PTPRT: variants seen among roughly 807,000 people sequenced by gnomAD.
PTPRT encodes the protein receptor-type tyrosine-protein phosphatase T.
In PTPRT, 56 loss-of-function variants were observed where a neutral mutation model predicts 176.8. The ratio of observed to expected loss-of-function variants is 0.32; its 90% confidence interval spans 0.26 to 0.40. The LOEUF (loss-of-function observed/expected upper bound fraction) is 0.40. Ranked by LOEUF, PTPRT falls within the 10% of genes least tolerant of loss-of-function variation. PTPRT has a pLI of 1.00. For synonymous variants in PTPRT, 783 were observed against 739.0 expected (o/e 1.06, Z -0.96); for missense variants, 1,540 against 1,908.2 (o/e 0.81, Z 3.60).
intron 9 of PTPRT, among the ~76,000 whole-genome samples, chr20:42,424,668 G>A (rs949249309): frequency 1.4e-4 from 21 of 152,034 alleles, no homozygotes; most frequent in Non-Finnish European, 2.4e-4. Flanking sequence ...CACACCAAGT[G>A]CAGTGAAATT....
In PTPRT at chr20:42,617,902, A is replaced by T. The variant is rs1162870305; in HGVS notation, c.1153+59964T>A. Reference sequence around the variant, plus strand: ...TTTCAAAAAACCAGCTCCTGGATTCATTGATTTTTTGAAGGGTTTTTTGTA... The same window carrying T: ...TTTCAAAAAACCAGCTCCTGGATTCTTTGATTTTTTGAAGGGTTTTTTGTA... On this transcript the variant is annotated intron_variant, in intron 7 of 30. Coordinates refer to ENST00000373187, the MANE Select transcript of PTPRT (RefSeq NM_007050.6). Among the ~76,000 whole-genome samples the T allele has an allele frequency of 3.0e-4, 41 of 137,998 alleles. 5 individuals are homozygous for T. Among genetic ancestry groups the T allele is most frequent in the Non-Finnish European group, 5.3e-4 (35 of 65,576 alleles). 90.5% of individuals were successfully genotyped at this position (137,998 alleles called of 152,430 possible). A position where few individuals can be genotyped will look rare whatever the true frequency, so the allele number is the denominator to read the frequency against.
At position 42,423,194 on chromosome 20, in the gene PTPRT, A is replaced by G. The variant is rs1286160219; in HGVS notation, c.1560+25026T>C. ...CCTTAAAAGTAAAAAAAAAAAAAAA[A>G]AAAAAAAGGAAGAGAAAGACTAATA... On this transcript the variant is annotated intron_variant, in intron 9 of 30. Coordinates refer to ENST00000373187, the MANE Select transcript of PTPRT (RefSeq NM_007050.6). 1.3e-5 allele frequency among the ~76,000 whole-genome samples: 2 copies of G among 151,294 alleles called. 1 individual carries two copies. Among genetic ancestry groups the G allele is most frequent in the African/African-American group, 4.9e-5 (2 of 41,232 alleles).
chr20:42,368,824 G>A (rs1327981234), intron 9 of PTPRT, among the ~76,000 whole-genome samples: 3 of 152,130 alleles, frequency 2.0e-5, no homozygotes, highest in Admixed American at 1.3e-4. Context: ...ACGCTCCCAT[G>A]GAGACCTGCT....
chr20:42,835,501 C>T (rs892188235), intron 2 of PTPRT, among the ~76,000 whole-genome samples: 1 of 152,034 alleles, frequency 6.6e-6, no homozygotes, highest in Non-Finnish European at 1.5e-5. Context: ...TAGTATTAAA[C>T]GCAGGGGGAA....
chr20:43,184,231 C>T (rs1004439733), intron 1 of PTPRT, among the ~76,000 whole-genome samples: 13 of 152,198 alleles, frequency 8.5e-5, no homozygotes, highest in Non-Finnish European at 1.8e-4. Context: ...AGCAGCCTGG[C>T]TTCAGTGTGA....
Position 42,098,424 on chromosome 20 carries a change from G to C in PTPRT, c.3843C>G (p.Ala1281=), listed in dbSNP as rs973496363. 6.2e-7 allele frequency: 1 copy of C among 1,614,058 alleles called. No individual in the cohort carries two copies. Among genetic ancestry groups the C allele is most frequent in the Non-Finnish European group, 8.5e-7 (1 of 1,179,998 alleles). ...SVVMLNEMDT[A]QFCMQYWPEK... ...GCTTGGCTTGGCCTCCTCCTACCTGGGCAGTGTCCATCTCATTCAGCATCA... is the reference window on the plus strand; with the variant it reads ...GCTTGGCTTGGCCTCCTCCTACCTGCGCAGTGTCCATCTCATTCAGCATCA... The change falls in exon 27 of 31, where the codon GCC becomes GCG. Residue 1281 remains alanine (A), a synonymous_variant. Coordinates refer to ENST00000373187, the MANE Select transcript of PTPRT (RefSeq NM_007050.6).
intron 6 of PTPRT, among the ~76,000 whole-genome samples, chr20:42,722,847 AC>A (rs1196922842): frequency 6.6e-6 from 1 of 152,140 alleles, no homozygotes; most frequent in African/African-American, 2.4e-5. Context: ...TGTGCACAAC[AC>A]CCCAGAAATG....
chr20:42,823,812 T>C (rs538609319), intron 2 of PTPRT, among the ~76,000 whole-genome samples: 4 of 151,758 alleles, frequency 2.6e-5, no homozygotes, highest in East Asian at 1.9e-4. Flanking sequence ...TTTATAATAA[T>C]AGAAAAGCAA....
chr20:42,621,175 C>A (rs1425854903), intron 7 of PTPRT, among the ~76,000 whole-genome samples: 1 of 152,162 alleles, frequency 6.6e-6, no homozygotes, highest in Non-Finnish European at 1.5e-5. Flanking sequence ...CCCCTCTGCC[C>A]TGTCCTAAAG....
At chr20:42,162,653 T>G (rs759491261) in intron 16 of PTPRT, among the ~76,000 whole-genome samples, 73 of 152,310 alleles carry the variant, frequency 4.8e-4, no homozygotes, top group African/African-American at 1.6e-3. Flanking sequence ...GCTGCAGCAG[T>G]TAATGTGTCT....
At chr20:42,901,537 C>G (rs73910607) in intron 1 of PTPRT, among the ~76,000 whole-genome samples, 1 of 152,178 alleles carries the variant, frequency 6.6e-6, no homozygotes, top group South Asian at 2.1e-4. Context: ...ATACCTGTCT[C>G]TGTGGAAGCT....
chr20:43,081,380 A>G (rs2011437717), intron 1 of PTPRT, among the ~76,000 whole-genome samples: 1 of 152,244 alleles, frequency 6.6e-6, no homozygotes, highest in South Asian at 2.1e-4. Context: ...TATTCATTTC[A>G]TAAGAGTTTT....
Position 42,792,187 on chromosome 20 carries a change from C to A in PTPRT, c.215-721G>T, listed in dbSNP as rs6030473. ...AAAGAACCAAGCCATGCCACCCCTGCAGCTGGAATCACAGCCACATGGCCC... is the reference window on the plus strand; with the variant it reads ...AAAGAACCAAGCCATGCCACCCCTGAAGCTGGAATCACAGCCACATGGCCC... On this transcript the variant is annotated intron_variant, in intron 2 of 30. Coordinates refer to ENST00000373187, the MANE Select transcript of PTPRT (RefSeq NM_007050.6). 4.7e-3 allele frequency among the ~76,000 whole-genome samples: 714 copies of A among 152,296 alleles called. 5 individuals are homozygous for A. Among genetic ancestry groups the A allele is most frequent in the African/African-American group, 0.015 (618 of 41,552 alleles).
chr20:42,058,025 T>C, the PTPRT span, among the ~76,000 whole-genome samples: 1 of 152,172 alleles, frequency 6.6e-6, no homozygotes, highest in African/African-American at 2.4e-5. Flanking sequence ...CAAAACAAGA[T>C]ATAATGTTGG....
At chr20:42,394,740 G>A (rs1340349521) in intron 9 of PTPRT, among the ~76,000 whole-genome samples, 7 of 152,082 alleles carry the variant, frequency 4.6e-5, no homozygotes, top group African/African-American at 1.7e-4. Flanking sequence ...AAAACTATGA[G>A]CAAAGAGTGA....
intron 1 of PTPRT, among the ~76,000 whole-genome samples, chr20:42,946,399 T>G (rs2146004291): frequency 6.6e-6 from 1 of 152,310 alleles, no homozygotes; most frequent in South Asian, 2.1e-4. Flanking sequence ...AATATTTACA[T>G]ACCTGGGCAC....
intron 16 of PTPRT, among the ~76,000 whole-genome samples, chr20:42,189,037 A>G (rs1162363893): frequency 6.6e-6 from 1 of 152,200 alleles, no homozygotes; most frequent in Non-Finnish European, 1.5e-5. Flanking sequence ...TCCAATTCCC[A>G]AGCAGGTTAC....
At chr20:42,250,847 T>G (rs747259449) in intron 13 of PTPRT, among the ~76,000 whole-genome samples, 1 of 152,212 alleles carries the variant, frequency 6.6e-6, no homozygotes, top group Non-Finnish European at 1.5e-5. Flanking sequence ...ATGAGGAATT[T>G]TATTCATTCC....
At chr20:42,731,044 T>G (rs1478281925) in intron 6 of PTPRT, among the ~76,000 whole-genome samples, 2 of 152,178 alleles carry the variant, frequency 1.3e-5, no homozygotes, top group Non-Finnish European at 2.9e-5. Flanking sequence ...CCTGTACCTC[T>G]GTGCCCCCCA....
Sources: allele counts gnomAD v4.1 joint callset (sites outside exome capture counted in the v4.1 genomes callset), GRCh38; gene constraint gnomAD v4.1.1; transcripts MANE v1.5; gene names NCBI Gene and HGNC (gene_info 2026-07-23, HGNC 2026-07-21).